ROBO2: variants seen among roughly 807,000 people sequenced by gnomAD.
ROBO2 encodes the protein roundabout guidance receptor 2.
Under a neutral mutation model 160.8 loss-of-function variants are expected in ROBO2, and 53 were observed. The observed-to-expected ratio is 0.33, with a 90% CI of 0.26 to 0.41. The LOEUF is 0.41. Among genes scored for constraint, ROBO2 ranks in the 10% least tolerant of loss-of-function variants. The pLI is 1.00. For missense variants in ROBO2, 1,577 were observed against 1,722.4 expected (o/e 0.92, Z 1.49); for synonymous variants, 664 against 611.7 (o/e 1.09, Z -1.26).
intron 11 of ROBO2, 52 bp downstream of exon 12, chr3:77,563,381 T>C: frequency 1.3e-6 from 2 of 1,550,312 alleles, no homozygotes; most frequent in Non-Finnish European, 8.9e-7. Context: ...GCTCCTTTAT[T>C]CTAAAATGTC....
intron 2 of ROBO2, among the ~76,000 whole-genome samples, chr3:76,737,311 CAA>C (rs1317320890): frequency 6.6e-6 from 1 of 151,388 alleles, no homozygotes; most frequent in Non-Finnish European, 1.5e-5. Context: ...TTATTATTCA[CAA>C]GTTTTTTTTT....
At chr3:77,316,655 A>G (rs770953678) in intron 2 of ROBO2, 11 of 644,854 alleles carry the variant, frequency 1.7e-5, no homozygotes, top group East Asian at 5.7e-5. Context: ...ATTTAGCAAT[A>G]CTTGCATCCC....
At chr3:75,988,125 G>T (rs1453027848) in intron 2 of ROBO2, among the ~76,000 whole-genome samples, 3 of 151,940 alleles carry the variant, frequency 2.0e-5, no homozygotes, top group African/African-American at 7.2e-5. Context: ...TTCTTTAAAT[G>T]TTTAGTATAA....
chr3:76,597,263 A>G (rs1324991303), intron 2 of ROBO2, among the ~76,000 whole-genome samples: 1 of 152,076 alleles, frequency 6.6e-6, no homozygotes, highest in African/African-American at 2.4e-5. Context: ...TAATAAATGG[A>G]CCACATCAAA....
intron 4 of ROBO2, among the ~76,000 whole-genome samples, chr3:77,489,949 T>A (rs2085861048): frequency 6.6e-6 from 1 of 152,182 alleles, no homozygotes; most frequent in African/African-American, 2.4e-5. Flanking sequence ...TCGAAGCCAC[T>A]GTTCTGCATT....
intron 2 of ROBO2, among the ~76,000 whole-genome samples, chr3:76,185,576 TAGAC>T (rs567178510): frequency 7.0e-4 from 106 of 152,034 alleles, no homozygotes; most frequent in African/African-American, 2.3e-3. Flanking sequence ...GCTGCCCAAA[TAGAC>T]AGAGAGAGCA....
chr3:77,446,199 A>T (rs2080488159), intron 2 of ROBO2, among the ~76,000 whole-genome samples: 2 of 152,060 alleles, frequency 1.3e-5, no homozygotes, highest in Non-Finnish European at 2.9e-5. Context: ...TTTCAGCACC[A>T]TCTAATTGTC....
At chr3:76,619,200 C>A (rs1464920045) in intron 2 of ROBO2, among the ~76,000 whole-genome samples, 5 of 151,424 alleles carry the variant, frequency 3.3e-5, no homozygotes, top group Non-Finnish European at 5.9e-5. Context: ...ATTAGCCGGG[C>A]GTGGTAGCGG....
chr3:76,730,953 C>T (rs1293038010), intron 2 of ROBO2, among the ~76,000 whole-genome samples: 5 of 34,392 alleles, frequency 1.5e-4, no homozygotes, highest in African/African-American at 1.4e-4. Flanking sequence ...ACTCCCTACC[C>T]GCTTCTCCTC....
At chr3:76,804,194 A>G (rs1320611136) in intron 2 of ROBO2, among the ~76,000 whole-genome samples, 2 of 152,190 alleles carry the variant, frequency 1.3e-5, no homozygotes, top group Admixed American at 1.3e-4. Flanking sequence ...GGCTAAAGAG[A>G]GAGGACAGCA....
intron 2 of ROBO2, among the ~76,000 whole-genome samples, chr3:76,651,519 A>G (rs553006218): frequency 1.3e-5 from 2 of 152,090 alleles, no homozygotes; most frequent in Non-Finnish European, 2.9e-5. Context: ...TAATTTATAC[A>G]TGCATTAAAT....
chr3:76,711,089 C>T (rs1253038391), intron 2 of ROBO2, among the ~76,000 whole-genome samples: 1 of 152,120 alleles, frequency 6.6e-6, no homozygotes, highest in African/African-American at 2.4e-5. Context: ...GTTTGACTAT[C>T]GTATTAGTCC....
intron 2 of ROBO2, among the ~76,000 whole-genome samples, chr3:77,019,624 A>C (rs1009498826): frequency 6.6e-6 from 1 of 152,214 alleles, no homozygotes; most frequent in Non-Finnish European, 1.5e-5. Flanking sequence ...ATTCCATGAA[A>C]GGAAATGTCC....
At chr3:76,866,487 T>C (rs1280116053) in intron 2 of ROBO2, among the ~76,000 whole-genome samples, 5 of 152,156 alleles carry the variant, frequency 3.3e-5, no homozygotes, top group African/African-American at 4.8e-5. Flanking sequence ...CAAACTTTAA[T>C]TGCATACCAA....
intron 2 of ROBO2, among the ~76,000 whole-genome samples, chr3:76,503,062 A>T (rs1399585458): frequency 6.6e-6 from 1 of 151,884 alleles, no homozygotes; most frequent in Non-Finnish European, 1.5e-5. Context: ...GTTATTAAGT[A>T]TTAACTTACA....
At chr3:76,078,420 C>A (rs984221013) in intron 2 of ROBO2, among the ~76,000 whole-genome samples, 1 of 152,062 alleles carries the variant, frequency 6.6e-6, no homozygotes, top group Non-Finnish European at 1.5e-5. Context: ...GGCTGGAGTG[C>A]AATAGCATGA....
chr3:76,963,887 A>T (rs916167196), intron 2 of ROBO2, among the ~76,000 whole-genome samples: 2 of 151,550 alleles, frequency 1.3e-5, no homozygotes, highest in African/African-American at 2.4e-5. Context: ...AAAAAGAAAA[A>T]GAAAATGAAA....
At chr3:77,344,389 G>A (rs1372361486) in intron 2 of ROBO2, among the ~76,000 whole-genome samples, 2 of 152,176 alleles carry the variant, frequency 1.3e-5, no homozygotes, top group African/African-American at 4.8e-5. Flanking sequence ...AATCCCCAAG[G>A]TGATGGTGTT....
intron 2 of ROBO2, among the ~76,000 whole-genome samples, chr3:76,353,342 A>G (rs773860895): frequency 6.6e-6 from 1 of 152,006 alleles, no homozygotes; most frequent in Non-Finnish European, 1.5e-5. Flanking sequence ...GTTGGCAAAT[A>G]TAACTTTAAT....
Sources: gnomAD v4.1 joint callset for allele counts (sites outside exome capture counted in the v4.1 genomes callset) on GRCh38, gnomAD v4.1.1 for gene constraint, MANE v1.5 for transcripts, NCBI Gene and HGNC (gene_info 2026-07-23, HGNC 2026-07-21) for gene names.